The following KIZ variants were observed in gnomAD, a reference collection of about 807,000 sequenced individuals.
The protein encoded by KIZ is centrosomal protein kizuna.
KIZ carries 68 observed loss-of-function variants against 79.6 expected under a neutral mutation model. That is an observed-to-expected ratio of 0.85 (90% CI 0.70 to 1.05). The LOEUF (loss-of-function observed/expected upper bound fraction) is 1.05, where lower values mean the gene tolerates loss of function less well. KIZ is among the 50% of genes least tolerant of loss of function. The probability of loss-of-function intolerance (pLI) is 0.00; values close to 1 mark genes in which losing one functional copy is unlikely to be tolerated. For missense variants in KIZ, 797 were observed against 800.4 expected (o/e 1.00, Z 0.05); for synonymous variants, 280 against 281.8 (o/e 0.99, Z 0.06).
At chr20:21,212,833 T>G (rs1210740131) in intron 7 of KIZ, among the ~76,000 whole-genome samples, 2 of 152,144 alleles carry the variant, frequency 1.3e-5, no homozygotes, top group African/African-American at 4.8e-5. Context: ...GCAGTTGGGA[T>G]GGGGGCAGTG....
intron 9 of KIZ, among the ~76,000 whole-genome samples, chr20:21,220,169 A>T (rs1305289019): frequency 2.0e-5 from 3 of 149,836 alleles, no homozygotes; most frequent in Non-Finnish European, 3.0e-5. Flanking sequence ...ATGATTATAT[A>T]TAAAATCCTT....
intron 7 of KIZ, among the ~76,000 whole-genome samples, chr20:21,210,408 A>G (rs766027551): frequency 6.6e-6 from 1 of 152,114 alleles, no homozygotes; most frequent in African/African-American, 2.4e-5. Flanking sequence ...ATTTGCTGCA[A>G]AGTGAACTCT....
At chr20:21,138,547 A>T (rs1211882623) in intron 3 of KIZ, among the ~76,000 whole-genome samples, 1 of 152,202 alleles carries the variant, frequency 6.6e-6, no homozygotes, top group Non-Finnish European at 1.5e-5. Context: ...TTTAATTTAA[A>T]TAGTTACACC....
chr20:21,167,086 A>G (rs1413894154), intron 6 of KIZ, among the ~76,000 whole-genome samples: 1 of 152,204 alleles, frequency 6.6e-6, no homozygotes, highest in Non-Finnish European at 1.5e-5. Flanking sequence ...TGAGCCTTAG[A>G]TGAGACTGCA....
At chr20:21,173,422 A>G (rs555902280) in intron 6 of KIZ, among the ~76,000 whole-genome samples, 5 of 151,914 alleles carry the variant, frequency 3.3e-5, no homozygotes, top group Non-Finnish European at 7.4e-5. Context: ...TACTAAAAAT[A>G]TAAAAATTAG....
intron 10 of KIZ, among the ~76,000 whole-genome samples, 199 bp downstream of exon 10, chr20:21,229,314 G>A (rs2036761247): frequency 6.6e-6 from 1 of 152,222 alleles, no homozygotes; most frequent in Non-Finnish European, 1.5e-5. Flanking sequence ...CTAGACATGT[G>A]CTGGCCAGCA....
intron 12 of KIZ, chr20:21,246,135 G>A (rs1307940943): frequency 4.1e-6 from 1 of 244,076 alleles, no homozygotes; most frequent in Non-Finnish European, 7.8e-6. Flanking sequence ...GGCAGCTGAG[G>A]TGGGGCGGCA....
chr20:21,177,255 C>G (rs1249681820), intron 6 of KIZ, among the ~76,000 whole-genome samples: 1 of 152,078 alleles, frequency 6.6e-6, no homozygotes, highest in Non-Finnish European at 1.5e-5. Flanking sequence ...TGCTTGTTAT[C>G]TTTTGTTCTT....
chr20:21,136,762 C>T (rs1035840018), intron 3 of KIZ, among the ~76,000 whole-genome samples: 1 of 152,080 alleles, frequency 6.6e-6, no homozygotes. Context: ...ATTACAGATG[C>T]ACACCCCAGG....
At chr20:21,240,497 A>C (rs2037177520) in intron 11 of KIZ, among the ~76,000 whole-genome samples, 1 of 152,252 alleles carries the variant, frequency 6.6e-6, no homozygotes, top group African/African-American at 2.4e-5. Context: ...TCTTGCCTGA[A>C]AATGGCTTAT....
chr20:21,158,825 A>G (rs111435585), intron 4 of KIZ: 2,389 of 151,896 alleles, frequency 0.016, 60 homozygotes, highest in African/African-American at 0.054. Context: ...ACAGGGCCTC[A>G]CTCTGTAGCC....
intron 6 of KIZ, among the ~76,000 whole-genome samples, chr20:21,187,104 A>G (rs1390229990): frequency 6.6e-6 from 1 of 152,180 alleles, no homozygotes; most frequent in African/African-American, 2.4e-5. Flanking sequence ...CAAAATCAAA[A>G]AATAAAAATT....
intron 10 of KIZ, among the ~76,000 whole-genome samples, chr20:21,232,335 GGTGGGTGACT>G (rs1340704054): frequency 3.9e-5 from 6 of 152,184 alleles, no homozygotes; most frequent in Non-Finnish European, 7.3e-5. Context: ...GAGTGGATAA[GGTGGGTGACT>G]GTTATCCATG....
intron 6 of KIZ, among the ~76,000 whole-genome samples, chr20:21,170,634 C>T (rs539234286): frequency 2.0e-5 from 3 of 152,190 alleles, no homozygotes; most frequent in Non-Finnish European, 4.4e-5. Context: ...GTGATCTGCC[C>T]GCCTCAGCCT....
intron 11 of KIZ, among the ~76,000 whole-genome samples, chr20:21,234,743 A>G (rs2036947099): frequency 1.3e-5 from 2 of 151,804 alleles, no homozygotes; most frequent in South Asian, 2.1e-4. Context: ...AGCAACCTCA[A>G]AAAAAGAAAA....
chr20:21,182,657 C>T (rs552512575), intron 6 of KIZ, among the ~76,000 whole-genome samples: 2 of 151,976 alleles, frequency 1.3e-5, no homozygotes, highest in South Asian at 2.1e-4. Context: ...ATTAGCTGGG[C>T]GTGTTGGTGT....
Position 21,214,535 on chromosome 20 carries a change from G to A in KIZ, c.1447G>A (p.Ala483Thr). ...KEHDNSVKEEATALLRKALTE... is the reference protein window; with the variant it reads ...KEHDNSVKEETTALLRKALTE... ...TTGTGCTTTTTTTGAAACACTGTAG[G>A]CAACAGCATTATTGAGAAAAGCCCT... The change falls in exon 8 of 13, where the codon GCA becomes ACA. Residue 483 changes from alanine (A) to threonine (T), a missense_variant and splice_region_variant. Physicochemically the swap from Ala to Thr is moderately conservative, Grantham distance 58 (BLOSUM62 0). Transcript: ENST00000619189. 1 of 1,610,264 alleles carries A rather than the reference G, an allele frequency of 6.2e-7. No individual in the cohort carries two copies. Among genetic ancestry groups the A allele is most frequent in the South Asian group, 1.1e-5 (1 of 90,688 alleles).
At chr20:21,210,294 C>T (rs367678450) in intron 7 of KIZ, among the ~76,000 whole-genome samples, 3 of 151,832 alleles carry the variant, frequency 2.0e-5, no homozygotes, top group Admixed American at 6.6e-5. Flanking sequence ...GGTGACAGAG[C>T]GAGACTCCGT....
At chr20:21,234,194 T>C (rs933503429) in intron 11 of KIZ, among the ~76,000 whole-genome samples, 1 of 152,222 alleles carries the variant, frequency 6.6e-6, no homozygotes, top group Non-Finnish European at 1.5e-5. Context: ...CATTTCTCAG[T>C]CTAATAATTT....
Sources: allele counts gnomAD v4.1 joint callset (sites outside exome capture counted in the v4.1 genomes callset), GRCh38; gene constraint gnomAD v4.1.1; transcripts MANE v1.5; gene names NCBI Gene and HGNC (gene_info 2026-07-23, HGNC 2026-07-21).